The following NOS1AP variants were observed in gnomAD, a reference collection of about 807,000 sequenced individuals.
NOS1AP encodes the protein nitric oxide synthase 1 adaptor protein, also known as carboxyl-terminal PDZ ligand of neuronal nitric oxide synthase protein.
NOS1AP carries 21 observed loss-of-function variants against 56.2 expected under a neutral mutation model. That is an observed-to-expected ratio of 0.37 (90% confidence interval 0.26 to 0.54). NOS1AP has a LOEUF of 0.54. Among genes scored for constraint, NOS1AP ranks in the 20% least tolerant of loss-of-function variants. The probability of loss-of-function intolerance (pLI) is 0.84; values close to 1 mark genes in which losing one functional copy is unlikely to be tolerated. For missense variants in NOS1AP, 522 were observed against 657.8 expected (o/e 0.79, Z 2.26); for synonymous variants, 270 against 274.6 (o/e 0.98, Z 0.17).
At chr1:162,183,492 A>G (rs768322559) in intron 2 of NOS1AP, among the ~76,000 whole-genome samples, 1 of 152,226 alleles carries the variant, frequency 6.6e-6, no homozygotes, top group Non-Finnish European at 1.5e-5. Flanking sequence ...TTCTCTAGCT[A>G]TGAAAGTCCC....
rs1657355502 is a variant in NOS1AP at position 162,347,924 on chromosome 1, T to G, written c.595+3948T>G. Among the ~76,000 whole-genome samples the G allele has an allele frequency of 2.0e-5, 3 of 152,194 alleles. 1 individual carries two copies. Among genetic ancestry groups the G allele is most frequent in the Admixed American group, 1.3e-4 (2 of 15,272 alleles). On this transcript the variant is annotated intron_variant, in intron 6 of 9. Coordinates refer to ENST00000361897, the MANE Select transcript of NOS1AP (RefSeq NM_014697.3). ...TACTCATCCTTCAAGCCCAGCACTG[T>G]CTTCTGGGAAGCCTGACTTTCAGCT...
At chr1:162,348,411 C>T (rs1657373426) in intron 6 of NOS1AP, among the ~76,000 whole-genome samples, 2 of 152,268 alleles carry the variant, frequency 1.3e-5, no homozygotes, top group South Asian at 4.2e-4. Flanking sequence ...TGTGGTCACA[C>T]TCCTTGATTG....
intron 1 of NOS1AP, among the ~76,000 whole-genome samples, chr1:162,080,785 T>A (rs1211089428): frequency 6.6e-6 from 1 of 152,230 alleles, no homozygotes; most frequent in East Asian, 1.9e-4. Context: ...AGCCACATCA[T>A]AGAAAGATAA....
chr1:162,292,854 G>A (rs1571196486), intron 3 of NOS1AP, among the ~76,000 whole-genome samples: 1 of 152,170 alleles, frequency 6.6e-6, no homozygotes. Flanking sequence ...CAGAATTTAG[G>A]AGACTTAAAA....
At chr1:162,348,664 A>G (rs980829215) in intron 6 of NOS1AP, among the ~76,000 whole-genome samples, 2 of 152,208 alleles carry the variant, frequency 1.3e-5, no homozygotes, top group African/African-American at 2.4e-5. Flanking sequence ...AAGATGTCCA[A>G]CAGAGCACTG....
chr1:162,216,563 A>G (rs571501142), intron 2 of NOS1AP, among the ~76,000 whole-genome samples: 80 of 152,316 alleles, frequency 5.3e-4, no homozygotes, highest in African/African-American at 1.8e-3. Context: ...AAGTCGCTGA[A>G]CCTCTATGCT....
intron 2 of NOS1AP, among the ~76,000 whole-genome samples, chr1:162,214,137 A>T (rs979193512): frequency 1.3e-5 from 2 of 152,166 alleles, no homozygotes; most frequent in African/African-American, 4.8e-5. Context: ...TGCCAAGTGG[A>T]GGAGTTTTCT....
chr1:162,212,517 T>C (rs1652384438), intron 2 of NOS1AP, among the ~76,000 whole-genome samples: 1 of 152,020 alleles, frequency 6.6e-6, no homozygotes, highest in African/African-American at 2.4e-5. Flanking sequence ...GGATGGGAAA[T>C]ATGTAAACTC....
Position 162,356,959 on chromosome 1 carries a change from G to C in NOS1AP, c.763-1G>C. The C allele has an allele frequency of 1.9e-6, 3 of 1,614,052 alleles. No individual in the cohort carries two copies. Among genetic ancestry groups the C allele is most frequent in the Non-Finnish European group, 2.5e-6 (3 of 1,180,040 alleles). On this transcript the variant is annotated splice_acceptor_variant, in intron 7 of 9. Transcript: ENST00000361897. LOFTEE classifies it high-confidence loss of function. ...TGTCCTGTCTTCTCCTTCTCCTCCA[G>C]GTTTCGCACCCCCAGGAGCCCATGC... is the stretch of plus-strand genomic sequence containing the variant.
intron 2 of NOS1AP, among the ~76,000 whole-genome samples, chr1:162,222,867 G>A (rs1652826503): frequency 6.6e-6 from 1 of 152,218 alleles, no homozygotes; most frequent in Non-Finnish European, 1.5e-5. Flanking sequence ...GTGGGGTGAG[G>A]TTAAGATCAC....
At chr1:162,144,096 G>A (rs747956847) in intron 1 of NOS1AP, among the ~76,000 whole-genome samples, 39 of 152,070 alleles carry the variant, frequency 2.6e-4, no homozygotes, top group Non-Finnish European at 4.9e-4. Flanking sequence ...AGGGATCCCC[G>A]TCCATTCCTT....
chr1:162,258,754 G>A (rs890536319), intron 2 of NOS1AP, among the ~76,000 whole-genome samples: 1 of 152,128 alleles, frequency 6.6e-6, no homozygotes, highest in African/African-American at 2.4e-5. Context: ...TCTGAAGGAG[G>A]GTGAGAGTGC....
intron 1 of NOS1AP, among the ~76,000 whole-genome samples, chr1:162,125,365 CTT>C (rs1381599729): frequency 5.3e-5 from 8 of 152,052 alleles, no homozygotes; most frequent in Non-Finnish European, 8.8e-5. Flanking sequence ...AACTCCTGAG[CTT>C]AGGCAATCTG....
At chr1:162,121,082 A>ATTTT (rs372854857) in intron 1 of NOS1AP, among the ~76,000 whole-genome samples, 1,475 of 103,032 alleles carry the variant, frequency 0.014, 36 homozygotes, top group African/African-American at 0.05. Flanking sequence ...GCACACTAGG[A>ATTTT]TTTTTTTTTT....
At chr1:162,292,538 A>ATCTCACATCT (rs1022338141) in intron 3 of NOS1AP, among the ~76,000 whole-genome samples, 2 of 152,216 alleles carry the variant, frequency 1.3e-5, no homozygotes, top group Non-Finnish European at 2.9e-5. Flanking sequence ...ACTTGCCTGA[A>ATCTCACATCT]TCTCACATCC....
chr1:162,185,115 A>G (rs927284216), intron 2 of NOS1AP, among the ~76,000 whole-genome samples: 2 of 152,178 alleles, frequency 1.3e-5, no homozygotes, highest in Admixed American at 6.5e-5. Context: ...GCATTATTGC[A>G]TCTCTCTGAC....
intron 2 of NOS1AP, among the ~76,000 whole-genome samples, chr1:162,187,949 T>G (rs897435911): frequency 2.0e-5 from 3 of 152,214 alleles, no homozygotes; most frequent in Non-Finnish European, 4.4e-5. Context: ...GAGAGCATTT[T>G]GAGGAGTTCT....
chr1:162,102,099 T>C (rs1311954151), intron 1 of NOS1AP, among the ~76,000 whole-genome samples: 4 of 152,192 alleles, frequency 2.6e-5, no homozygotes, highest in African/African-American at 4.8e-5. Flanking sequence ...ATGGCTCTTA[T>C]TATTTTGAGG....
intron 2 of NOS1AP, among the ~76,000 whole-genome samples, chr1:162,245,607 A>G (rs1653637473): frequency 6.6e-6 from 1 of 152,254 alleles, no homozygotes; most frequent in Non-Finnish European, 1.5e-5. Context: ...TAGCAGCTTT[A>G]GCTGTAGTAG....
Sources: allele counts gnomAD v4.1 joint callset (sites outside exome capture counted in the v4.1 genomes callset), GRCh38; gene constraint gnomAD v4.1.1; transcripts MANE v1.5; gene names NCBI Gene and HGNC (gene_info 2026-07-23, HGNC 2026-07-21).